The following SGCD variants were observed in gnomAD, a reference collection of about 807,000 sequenced individuals.
The protein encoded by SGCD is delta-sarcoglycan.
A neutral mutation model predicts 36.6 loss-of-function variants in SGCD; 18 were observed. That is an observed-to-expected ratio of 0.49 (90% CI 0.34 to 0.73). The LOEUF is 0.73. Ranked by LOEUF, SGCD falls within the 30% of genes least tolerant of loss-of-function variation. The probability of loss-of-function intolerance (pLI) is 0.01; values close to 1 mark genes in which losing one functional copy is unlikely to be tolerated. For synonymous variants in SGCD, 133 were observed against 130.6 expected, an observed-to-expected ratio of 1.02 and a Z score of -0.12; for missense variants, 387 against 346.7, an observed-to-expected ratio of 1.12 and a Z score of -0.92.
intron 6 of SGCD, among the ~76,000 whole-genome samples, chr5:156,625,468 G>C (rs1035128450): frequency 2.6e-5 from 4 of 152,190 alleles, no homozygotes; most frequent in African/African-American, 9.7e-5. Flanking sequence ...GACTAGGATA[G>C]GAAATAATCT....
the SGCD span, among the ~76,000 whole-genome samples, chr5:155,849,444 G>GCACACACACA: frequency 5.1e-5 from 7 of 136,604 alleles, no homozygotes; most frequent in South Asian, 5.4e-4. Context: ...ACATGTGCGC[G>GCACACACACA]CGCACACACA....
chr5:156,463,565 A>G (rs1316586354), intron 3 of SGCD, among the ~76,000 whole-genome samples: 1 of 152,134 alleles, frequency 6.6e-6, no homozygotes, highest in Non-Finnish European at 1.5e-5. Context: ...TTTCTGAGGT[A>G]TGGATGGCTA....
intron 3 of SGCD, among the ~76,000 whole-genome samples, chr5:156,235,288 G>A (rs998674144): frequency 6.6e-6 from 1 of 152,242 alleles, no homozygotes; most frequent in African/African-American, 2.4e-5. Flanking sequence ...TTTGTTCTGA[G>A]GCAGAAAATC....
At chr5:155,916,659 AT>A (rs967152832) in intron 1 of SGCD, among the ~76,000 whole-genome samples, 10 of 152,222 alleles carry the variant, frequency 6.6e-5, no homozygotes, top group Admixed American at 3.9e-4. Context: ...CAAAACATGC[AT>A]TGTTTTTGAT....
intron 3 of SGCD, among the ~76,000 whole-genome samples, chr5:156,389,894 A>G (rs1439923614): frequency 9.6e-6 from 1 of 104,378 alleles, no homozygotes; most frequent in Non-Finnish European, 2.0e-5. Context: ...TGGCTGGTAT[A>G]TATTATGTTA....
intron 3 of SGCD, among the ~76,000 whole-genome samples, chr5:156,146,001 C>T (rs1762701935): frequency 6.6e-6 from 1 of 152,098 alleles, no homozygotes; most frequent in South Asian, 2.1e-4. Context: ...ATCACGAGGT[C>T]AGGAGATCGA....
At chr5:156,033,778 G>A (rs1759418556) in intron 1 of SGCD, among the ~76,000 whole-genome samples, 1 of 152,102 alleles carries the variant, frequency 6.6e-6, no homozygotes, top group Non-Finnish European at 1.5e-5. Context: ...CTGTGTGCAG[G>A]GAATACAGCA....
intron 1 of SGCD, among the ~76,000 whole-genome samples, chr5:156,042,715 G>A (rs1759666882): frequency 6.6e-6 from 1 of 152,132 alleles, no homozygotes; most frequent in Admixed American, 6.5e-5. Flanking sequence ...GTGGGCCTGG[G>A]GGGAGCCATC....
chr5:155,813,649 C>A, the SGCD span, among the ~76,000 whole-genome samples: 1 of 152,150 alleles, frequency 6.6e-6, no homozygotes, highest in South Asian at 2.1e-4. Context: ...TGTAGGTTGA[C>A]TCTATAACCT....
intron 6 of SGCD, among the ~76,000 whole-genome samples, chr5:156,639,783 C>A (rs1762961043): frequency 6.6e-6 from 1 of 152,064 alleles, no homozygotes; most frequent in Non-Finnish European, 1.5e-5. Context: ...ATACTTCTTT[C>A]TCTTGGCTTC....
At chr5:156,546,608 G>A (rs1262069072) in intron 4 of SGCD, among the ~76,000 whole-genome samples, 2 of 150,088 alleles carry the variant, frequency 1.3e-5, no homozygotes, top group Non-Finnish European at 1.5e-5. Flanking sequence ...GCTATAGAAG[G>A]AAAAAAAAAA....
chr5:156,472,973 T>C (rs1755035350), intron 3 of SGCD, among the ~76,000 whole-genome samples: 1 of 152,312 alleles, frequency 6.6e-6, no homozygotes, highest in East Asian at 1.9e-4. Flanking sequence ...TTATAATCTA[T>C]GTATTTCACT....
intron 2 of SGCD, among the ~76,000 whole-genome samples, chr5:156,331,153 C>T (rs1768052028): frequency 6.6e-6 from 1 of 152,166 alleles, no homozygotes; most frequent in Non-Finnish European, 1.5e-5. Flanking sequence ...GGATGTTTTA[C>T]TCTGAATTAT....
the SGCD span, among the ~76,000 whole-genome samples, chr5:155,783,951 T>C: frequency 6.6e-6 from 1 of 152,240 alleles, no homozygotes; most frequent in Non-Finnish European, 1.5e-5. Flanking sequence ...CTCCTCATGA[T>C]GTCCACTGTA....
chr5:156,383,579 T>G (rs1771115593), intron 3 of SGCD, among the ~76,000 whole-genome samples: 1 of 152,134 alleles, frequency 6.6e-6, no homozygotes, highest in Admixed American at 6.6e-5. Flanking sequence ...GCTGCTCTGC[T>G]TCTGGTCACT....
chr5:156,605,028 C>A (rs569786135), intron 6 of SGCD, among the ~76,000 whole-genome samples: 3 of 149,348 alleles, frequency 2.0e-5, no homozygotes, highest in East Asian at 3.9e-4. Context: ...GAATTTACTT[C>A]TTTTTTTTTC....
intron 1 of SGCD, among the ~76,000 whole-genome samples, chr5:155,950,285 T>G (rs1029989885): frequency 6.6e-5 from 10 of 152,164 alleles, no homozygotes; most frequent in Non-Finnish European, 1.2e-4. Flanking sequence ...CTCCAGACCT[T>G]CTGCTTCATA....
At chr5:156,599,506 A>C (rs746131331) in intron 6 of SGCD, among the ~76,000 whole-genome samples, 12 of 152,212 alleles carry the variant, frequency 7.9e-5, no homozygotes. Flanking sequence ...TAAAAACATA[A>C]TGTCTCTTAC....
chr5:156,630,481 C>T (rs2113529876), intron 6 of SGCD, among the ~76,000 whole-genome samples: 1 of 152,310 alleles, frequency 6.6e-6, no homozygotes, highest in Non-Finnish European at 1.5e-5. Context: ...GTGCCATGCA[C>T]TATTCTAAGT....
Sources: gnomAD v4.1 joint callset for allele counts (sites outside exome capture counted in the v4.1 genomes callset) on GRCh38, gnomAD v4.1.1 for gene constraint, MANE v1.5 for transcripts, NCBI Gene and HGNC (gene_info 2026-07-23, HGNC 2026-07-21) for gene names.